Variants in CPAP observed in about 807,000 individuals in gnomAD.
The protein encoded by CPAP is centrosome assembly and centriole elongation protein.
At chr13:24,931,331 TA>T in the CPAP span, among the ~76,000 whole-genome samples, 1 of 126,638 alleles carries the variant, frequency 7.9e-6, no homozygotes. Context: ...GCATGCCTCA[TA>T]ATTTTTTGTT....
At chr13:24,899,325 C>G in the CPAP span, 1 of 889,932 alleles carries the variant, frequency 1.1e-6, no homozygotes, top group Non-Finnish European at 1.8e-6. Context: ...GATTGATACA[C>G]AGTTTTGCTT....
At chr13:24,928,414 T>C in the CPAP span, among the ~76,000 whole-genome samples, 3 of 152,234 alleles carry the variant, frequency 2.0e-5, no homozygotes, top group Non-Finnish European at 4.4e-5. Flanking sequence ...AACAGATTTC[T>C]AGAATTACTT....
the CPAP span, chr13:24,886,053 A>G: frequency 2.8e-6 from 1 of 363,464 alleles, no homozygotes. Flanking sequence ...CCTTGTGGCT[A>G]TGGTATAAAC....
chr13:24,924,115 G>A, the CPAP span, among the ~76,000 whole-genome samples: 7 of 152,146 alleles, frequency 4.6e-5, no homozygotes, highest in African/African-American at 1.7e-4. Flanking sequence ...TTACAGGCGT[G>A]AGCCACCGCG....
the CPAP span, chr13:24,883,399 TAA>T: frequency 1.6e-5 from 23 of 1,407,322 alleles, no homozygotes; most frequent in East Asian, 2.0e-4. Flanking sequence ...TATGATTTCT[TAA>T]AAAAAAAATA....
the CPAP span, chr13:24,906,699 T>TG: frequency 6.2e-7 from 1 of 1,614,242 alleles, no homozygotes; most frequent in East Asian, 2.2e-5. Context: ...GAACCACTCT[T>TG]GGTTCTAGCT....
chr13:24,912,437 T>C, the CPAP span: 3 of 706,452 alleles, frequency 4.2e-6, no homozygotes, highest in Non-Finnish European at 2.4e-6. Context: ...CTTAAATGTT[T>C]CACATTAGAC....
At chr13:24,902,530 A>C in the CPAP span, among the ~76,000 whole-genome samples, 3 of 152,350 alleles carry the variant, frequency 2.0e-5, no homozygotes, top group East Asian at 5.8e-4. Flanking sequence ...ATAGTAACCG[A>C]ATTTCCTTTT....
chr13:24,900,972 T>C, the CPAP span, among the ~76,000 whole-genome samples: 1 of 152,120 alleles, frequency 6.6e-6, no homozygotes, highest in East Asian at 1.9e-4. Context: ...GCTCACTTTT[T>C]CTAAATGATC....
chr13:24,917,447 G>C, the CPAP span, among the ~76,000 whole-genome samples: 15 of 151,960 alleles, frequency 9.9e-5, no homozygotes, highest in Non-Finnish European at 1.6e-4. Context: ...TTATTCTCTC[G>C]GTAGGACTGC....
At chr13:24,905,015 A>G in the CPAP span, among the ~76,000 whole-genome samples, 1 of 152,218 alleles carries the variant, frequency 6.6e-6, no homozygotes, top group Non-Finnish European at 1.5e-5. Context: ...ATTATATACA[A>G]ACTGACACAT....
At chr13:24,922,006 G>C in the CPAP span, among the ~76,000 whole-genome samples, 9 of 152,124 alleles carry the variant, frequency 5.9e-5, no homozygotes, top group African/African-American at 2.2e-4. Context: ...TTAGTATGTG[G>C]ACTCAGACTT....
the CPAP span, among the ~76,000 whole-genome samples, chr13:24,919,044 GAGAT>G: frequency 0.23 from 35,299 of 151,794 alleles, 4,159 homozygotes; most frequent in African/African-American, 0.26. Flanking sequence ...GGGAGAGAAA[GAGAT>G]AGAAATGAAA....
At chr13:24,898,684 G>A in the CPAP span, among the ~76,000 whole-genome samples, 1 of 152,180 alleles carries the variant, frequency 6.6e-6, no homozygotes, top group Non-Finnish European at 1.5e-5. Context: ...CAAGCTGTAC[G>A]TGTGCAGGTG....
the CPAP span, among the ~76,000 whole-genome samples, chr13:24,925,621 G>A: frequency 6.6e-6 from 1 of 152,146 alleles, no homozygotes; most frequent in Admixed American, 6.6e-5. Context: ...AAAAAGTGGG[G>A]GAGGACATCA....
chr13:24,911,054 G>A, the CPAP span, among the ~76,000 whole-genome samples: 1 of 152,140 alleles, frequency 6.6e-6, no homozygotes, highest in African/African-American at 2.4e-5. Context: ...CTTAAAAGAA[G>A]CAAACACATG....
At chr13:24,931,302 G>GTTTTTTTTTTTTTTTTTTT in the CPAP span, among the ~76,000 whole-genome samples, 1 of 9,068 alleles carries the variant, frequency 1.1e-4, no homozygotes, top group Non-Finnish European at 2.0e-4. Context: ...ATTTTTTCAT[G>GTTTTTTTTTTTTTTTTTTT]TTTCTTTTTT....
At chr13:24,886,189 G>A in the CPAP span, 4 of 623,638 alleles carry the variant, frequency 6.4e-6, no homozygotes, top group Non-Finnish European at 1.0e-5. Context: ...TGAAGTGCCA[G>A]TATTTTCATC....
At chr13:24,899,806 G>GA in the CPAP span, among the ~76,000 whole-genome samples, 19 of 152,088 alleles carry the variant, frequency 1.2e-4, no homozygotes, top group Non-Finnish European at 2.1e-4. Flanking sequence ...AAACCACAGT[G>GA]AAAAAAACAA....
Sources: allele counts gnomAD v4.1 joint callset (sites outside exome capture counted in the v4.1 genomes callset), GRCh38; gene constraint gnomAD v4.1.1; transcripts MANE v1.5; gene names NCBI Gene and HGNC (gene_info 2026-07-23, HGNC 2026-07-21).